The following ORC3 variants were observed in gnomAD, a reference collection of about 807,000 sequenced individuals.
ORC3 encodes homolog of latheo, Drosophila.
ORC3 carries 78 observed loss-of-function variants against 100.7 expected under a neutral mutation model. That is an observed-to-expected ratio of 0.77 (90% CI 0.65 to 0.94). The LOEUF is 0.94. Among genes scored for constraint, ORC3 ranks in the 40% least tolerant of loss-of-function variants. The pLI is 0.00. For synonymous variants in ORC3, 295 were observed against 289.3 expected (o/e 1.02, Z -0.20); for missense variants, 789 against 823.9 (o/e 0.96, Z 0.52).
chr6:87,674,549 G>A, the ORC3 span, among the ~76,000 whole-genome samples: 1,656 of 150,256 alleles, frequency 0.011, 28 homozygotes, highest in African/African-American at 0.039. Context: ...GGATCCTACT[G>A]ATATCTGAGG....
chr6:87,592,466 A>C (rs1230184261), intron 1 of ORC3, among the ~76,000 whole-genome samples: 1 of 151,982 alleles, frequency 6.6e-6, no homozygotes, highest in Non-Finnish European at 1.5e-5. Flanking sequence ...CCACATCTGT[A>C]CTAAAATACA....
rs548869244 is a variant in ORC3 at position 87,651,501 on chromosome 6, A to G, written c.1383-1615A>G. 74 of 297,278 alleles carry G rather than the reference A, an allele frequency of 2.5e-4. 1 individual carries two copies. Among genetic ancestry groups the G allele is most frequent in the South Asian group, 2.2e-3 (72 of 32,172 alleles). The allele number at this position is 297,278 out of a possible 1,614,324, so 18.4% of individuals were successfully genotyped here. On this transcript the variant is annotated intron_variant, in intron 13 of 19. Coordinates refer to ENST00000392844, the MANE Select transcript of ORC3 (RefSeq NM_012381.4). ...AAATTTTAAATCTCAACTGTAATCA[A>G]GTATGAAATGTCTTGGCTTATTTTT...
chr6:87,671,844 TAAC>T (rs1377581223), downstream of ORC3, among the ~76,000 whole-genome samples: 7 of 152,092 alleles, frequency 4.6e-5, no homozygotes, highest in African/African-American at 1.2e-4. Flanking sequence ...TGTCCAAACT[TAAC>T]AGCCTGGAAA....
intron 13 of ORC3, among the ~76,000 whole-genome samples, chr6:87,644,591 C>T (rs1274334678): frequency 6.6e-6 from 1 of 151,884 alleles, no homozygotes; most frequent in Non-Finnish European, 1.5e-5. Context: ...GTCCCAGCTA[C>T]GAGGGAGGCT....
chr6:87,666,992 C>A, intron 19 of ORC3, 26 bp from the exon 20 acceptor site: 1 of 1,414,538 alleles, frequency 7.1e-7, no homozygotes, highest in Non-Finnish European at 9.8e-7. Context: ...TACAGCACGG[C>A]CAGTTTCCTT....
At chr6:87,602,345 T>TAC (rs1777968613) in intron 3 of ORC3, among the ~76,000 whole-genome samples, 1 of 152,220 alleles carries the variant, frequency 6.6e-6, no homozygotes. Flanking sequence ...CTTTCAGGTA[T>TAC]ACAACTGTGA....
the ORC3 span, among the ~76,000 whole-genome samples, chr6:87,673,738 G>A: frequency 2.0e-5 from 3 of 152,068 alleles, no homozygotes; most frequent in East Asian, 5.8e-4. Flanking sequence ...CTACTCGGGA[G>A]GCTGAGGCAG....
At chr6:87,657,813 TC>T in intron 15 of ORC3, 107 bp from the exon 16 acceptor site, 1 of 602,446 alleles carries the variant, frequency 1.7e-6, no homozygotes, top group Non-Finnish European at 3.0e-6. Context: ...GTACATCCTG[TC>T]TTATGGAAAG....
At chr6:87,611,535 C>T (rs989087590) in intron 7 of ORC3, among the ~76,000 whole-genome samples, 1 of 152,034 alleles carries the variant, frequency 6.6e-6, no homozygotes. Context: ...GCCTGTAATC[C>T]CAGCACTTTG....
At chr6:87,610,443 A>C (rs1000263057) in intron 7 of ORC3, among the ~76,000 whole-genome samples, 1 of 152,248 alleles carries the variant, frequency 6.6e-6, no homozygotes, top group East Asian at 1.9e-4. Flanking sequence ...TCCTGACCTC[A>C]GGTGATCTGC....
chr6:87,609,346 A>G, intron 7 of ORC3, 117 bp downstream of exon 7: 1 of 681,670 alleles, frequency 1.5e-6, no homozygotes, highest in Non-Finnish European at 2.3e-6. Flanking sequence ...CAAAGTATTC[A>G]AATTCTTTAT....
At chr6:87,627,297 C>CTTTTTTT (rs71554739) in intron 11 of ORC3, among the ~76,000 whole-genome samples, 3,026 of 113,168 alleles carry the variant, frequency 0.027, 49 homozygotes, top group Non-Finnish European at 0.036. Flanking sequence ...CCGCGCCCAG[C>CTTTTTTT]TTTTTTTTTT....
chr6:87,659,840 C>T (rs1770048058), intron 16 of ORC3, among the ~76,000 whole-genome samples: 1 of 151,834 alleles, frequency 6.6e-6, no homozygotes, highest in African/African-American at 2.4e-5. Flanking sequence ...TGAGATCGCA[C>T]CACTGCACTC....
intron 13 of ORC3, among the ~76,000 whole-genome samples, chr6:87,649,504 T>C (rs1256895366): frequency 6.6e-6 from 1 of 152,208 alleles, no homozygotes; most frequent in Non-Finnish European, 1.5e-5. Context: ...TCCCAGCACT[T>C]TGAGAGGCCG....
intron 10 of ORC3, 107 bp from the exon 11 acceptor site, chr6:87,621,842 GA>G (rs1191798154): frequency 2.7e-6 from 2 of 737,756 alleles, no homozygotes; most frequent in Admixed American, 5.2e-5. Flanking sequence ...GTGAAGAAAT[GA>G]AAAAAATGTG....
chr6:87,625,012 A>G (rs188733700), intron 11 of ORC3, among the ~76,000 whole-genome samples: 56 of 152,326 alleles, frequency 3.7e-4, no homozygotes, highest in Admixed American at 2.6e-3. Context: ...TGTCCCTGCA[A>G]AGGACATGAA....
At chr6:87,675,722 A>G in the ORC3 span, 17 of 1,474,624 alleles carry the variant, frequency 1.2e-5, no homozygotes, top group Admixed American at 3.7e-5. Context: ...AGACTTGCAA[A>G]GTTATGCTGC....
At chr6:87,624,341 G>C (rs1274152198) in intron 11 of ORC3, among the ~76,000 whole-genome samples, 1 of 151,982 alleles carries the variant, frequency 6.6e-6, no homozygotes, top group African/African-American at 2.4e-5. Flanking sequence ...AAAATTAGCC[G>C]GGCATAGTGG....
Position 87,590,185 on chromosome 6 carries a change from T to A in ORC3, c.17T>A (p.Met6Lys). 1 of 1,613,990 alleles carries A rather than the reference T, an allele frequency of 6.2e-7. No homozygotes were observed. The highest frequency in any genetic ancestry group is 1.1e-5 in the South Asian group (1 of 91,080). The part of the protein sequence containing the change: MATSS[M>K]SKGCFVFKPN... The stretch of plus-strand genomic sequence containing the variant: ...AGTAAGACCATGGCTACGTCCTCGA[T>A]GTCTAAGGTATGTGGTGGCCGATGC... The change falls in exon 1 of 20, where the codon ATG becomes AAG. Residue 6 changes from methionine to lysine, a missense_variant. Coordinates refer to ENST00000392844, the MANE Select transcript of ORC3 (RefSeq NM_012381.4).
Sources: gnomAD v4.1 joint callset for allele counts (sites outside exome capture counted in the v4.1 genomes callset) on GRCh38, gnomAD v4.1.1 for gene constraint, MANE v1.5 for transcripts, NCBI Gene and HGNC (gene_info 2026-07-23, HGNC 2026-07-21) for gene names.